Variants in TRPC3 observed in about 807,000 individuals in gnomAD.
TRPC3 encodes the protein short transient receptor potential channel 3.
In TRPC3, 54 loss-of-function variants were observed where a neutral mutation model predicts 90.9. That is an observed-to-expected ratio of 0.59 (90% CI 0.48 to 0.75). The LOEUF (loss-of-function observed/expected upper bound fraction) is 0.75, where lower values mean the gene tolerates loss of function less well. Among genes scored for constraint, TRPC3 ranks in the 30% least tolerant of loss-of-function variants. The probability of loss-of-function intolerance (pLI) is 0.00; values close to 1 mark genes in which losing one functional copy is unlikely to be tolerated. For synonymous variants in TRPC3, 424 were observed against 450.9 expected (o/e 0.94, Z 0.75); for missense variants, 918 against 1,194.5 (o/e 0.77, Z 3.41).
Position 121,879,809 on chromosome 4 carries a change from G to A in TRPC3, c.2693C>T (p.Ala898Val), listed in dbSNP as rs1727880484. The A allele has an allele frequency of 2.5e-6, 4 of 1,607,894 alleles. No individual in the cohort carries two copies. Among genetic ancestry groups the A allele is most frequent in the Non-Finnish European group, 3.4e-6 (4 of 1,178,058 alleles). Residue 898 changes from alanine to valine, a missense_variant, in exon 12 of 12, where the codon GCA becomes GTA. Ala to Val is a moderately conservative substitution (Grantham distance 64, BLOSUM62 0). Transcript: ENST00000379645. ...AATTAGAATGGCTAATTCCTCAGTT[G>A]CTTGGCTCTTGTCTTCCAAAAGTTC... Reference protein sequence around the residue: ...RYELLEDKSQATEELAILIHK... With the variant: ...RYELLEDKSQVTEELAILIHK...
At chr4:121,930,505 G>A (rs1729868872) in intron 2 of TRPC3, among the ~76,000 whole-genome samples, 2 of 152,090 alleles carry the variant, frequency 1.3e-5, no homozygotes, top group East Asian at 3.9e-4. Context: ...GTAAAACTAT[G>A]AATAACAAAT....
In TRPC3 at chr4:121,940,548, G is replaced by T. The variant is rs1474344984; in HGVS notation, c.216-7506C>A. Among the ~76,000 whole-genome samples the T allele has an allele frequency of 3.3e-5, 5 of 152,250 alleles. No individual in the cohort carries two copies. The East Asian group carries it at 9.7e-4, about 29-fold the overall frequency. On this transcript the variant is annotated intron_variant, in intron 1 of 11. Coordinates refer to ENST00000379645, the MANE Select transcript of TRPC3 (RefSeq NM_001130698.2). ...CCTCTCTGAACACACTGTTATTTCT[G>T]CTCTTTGCCAATTCAAATCCTTCTT...
At position 121,887,708 on chromosome 4, in the gene TRPC3, G is replaced by A. The variant is rs116491927; in HGVS notation, c.2548-5279C>T. On this transcript the variant is annotated intron_variant, in intron 10 of 11. Coordinates refer to ENST00000379645, the MANE Select transcript of TRPC3 (RefSeq NM_001130698.2). ...AGAGAATAAAACTCAAGAACTCATAGTCCAGCTTCAGTGGAGTCTCACAAT... is the reference window on the plus strand; with the variant it reads ...AGAGAATAAAACTCAAGAACTCATAATCCAGCTTCAGTGGAGTCTCACAAT... Among the ~76,000 whole-genome samples, 952 of 152,310 alleles carry A rather than the reference G, an allele frequency of 6.3e-3. 9 individuals carry two copies. Among genetic ancestry groups the A allele is most frequent in the African/African-American group, 0.022 (912 of 41,572 alleles).
intron 1 of TRPC3, among the ~76,000 whole-genome samples, chr4:121,942,671 A>AT (rs1321599579): frequency 2.0e-5 from 3 of 152,242 alleles, no homozygotes; most frequent in Admixed American, 2.0e-4. Flanking sequence ...GCTGTTGTGT[A>AT]TTTAAGGAGA....
At chr4:121,947,389 AG>A (rs1018086546) in intron 1 of TRPC3, among the ~76,000 whole-genome samples, 35 of 151,748 alleles carry the variant, frequency 2.3e-4, no homozygotes, top group African/African-American at 8.5e-4. Context: ...GTTGGGAGGG[AG>A]GGAAGTCCTG....
chr4:121,932,522 A>G lies in TRPC3; in HGVS notation c.736T>C (p.Tyr246His). ...PIILAAHCQKYEVVHMLLMKG... is the reference protein window; with the variant it reads ...PIILAAHCQKHEVVHMLLMKG... ...ATCAGCAGCATGTGCACCACTTCGT[A>G]TTTCTGGCAGTGCGCCGCCAGGATG... Residue 246 changes from tyrosine to histidine, a missense_variant, in exon 2 of 12, where the codon TAC (tyrosine) becomes CAC (histidine). Tyr to His is a moderately conservative substitution (Grantham distance 83). This residue lies in a region of TRPC3 where 609 missense variants were observed against 725.9 expected (regional missense o/e 0.84). Coordinates refer to ENST00000379645, the MANE Select transcript of TRPC3 (RefSeq NM_001130698.2). This position sits in a 1 kb window ranked among gnomAD's most constrained non-coding sequence, Gnocchi z 7.7. 2 of 1,614,164 alleles carry G rather than the reference A, an allele frequency of 1.2e-6. No homozygotes were observed. Among genetic ancestry groups the G allele is most frequent in the Non-Finnish European group, 1.7e-6 (2 of 1,180,022 alleles).
At chr4:121,939,281 T>C (rs748593524) in intron 1 of TRPC3, among the ~76,000 whole-genome samples, 10 of 152,116 alleles carry the variant, frequency 6.6e-5, no homozygotes, top group Non-Finnish European at 1.0e-4. Flanking sequence ...CAAAAAATTA[T>C]GGGATTTTTG....
chr4:121,903,855 CATATAT>C (rs1452716673), intron 8 of TRPC3, among the ~76,000 whole-genome samples: 1 of 152,112 alleles, frequency 6.6e-6, no homozygotes, highest in African/African-American at 2.4e-5. Context: ...CATAAGAAAA[CATATAT>C]ACAACAGTGA....
intron 1 of TRPC3, among the ~76,000 whole-genome samples, chr4:121,942,444 C>T (rs1380834977): frequency 1.3e-5 from 2 of 152,096 alleles, no homozygotes; most frequent in Admixed American, 1.3e-4. Context: ...TGCCTATAAT[C>T]CCAGCTACTC....
At chr4:121,881,122 C>G (rs1258192426) in intron 11 of TRPC3, among the ~76,000 whole-genome samples, 1 of 152,146 alleles carries the variant, frequency 6.6e-6, no homozygotes, top group Admixed American at 6.6e-5. Context: ...ATCCTTTCTT[C>G]CTTGTCCCCG....
At chr4:121,907,633 A>G in intron 6 of TRPC3, 66 bp from the exon 7 acceptor site, 1 of 1,513,048 alleles carries the variant, frequency 6.6e-7, no homozygotes, top group Non-Finnish European at 8.9e-7. Context: ...CGCAAAGCAA[A>G]TACCTTAAAT....
intron 2 of TRPC3, chr4:121,930,855 A>C: frequency 5.4e-6 from 2 of 373,644 alleles, no homozygotes; most frequent in East Asian, 8.7e-5. Flanking sequence ...AAAAAAAAAC[A>C]TTTTGGGTCC....
chr4:121,901,492 A>C (rs1728696402), intron 9 of TRPC3, among the ~76,000 whole-genome samples: 1 of 152,248 alleles, frequency 6.6e-6, no homozygotes, highest in Admixed American at 6.5e-5. Flanking sequence ...ACCTTGCATA[A>C]GCAAATTATC....
intron 10 of TRPC3, among the ~76,000 whole-genome samples, chr4:121,886,200 T>C (rs933011357): frequency 4.7e-4 from 72 of 152,314 alleles, no homozygotes; most frequent in African/African-American, 1.6e-3. Flanking sequence ...GTATTTTTAC[T>C]GATTCAAATT....
intron 1 of TRPC3, chr4:121,950,556 C>T (rs1046502606): frequency 3.9e-5 from 6 of 152,288 alleles, no homozygotes; most frequent in African/African-American, 1.4e-4. Flanking sequence ...AACCGATCAC[C>T]CTCTTTTTAT....
At chr4:121,946,604 T>C (rs1230744477) in intron 1 of TRPC3, among the ~76,000 whole-genome samples, 1 of 152,166 alleles carries the variant, frequency 6.6e-6, no homozygotes, top group East Asian at 1.9e-4. Flanking sequence ...AATAGATACA[T>C]GTGAACATAA....
chr4:121,916,096 A>G (rs1729309020), intron 3 of TRPC3, among the ~76,000 whole-genome samples: 1 of 152,186 alleles, frequency 6.6e-6, no homozygotes, highest in Non-Finnish European at 1.5e-5. Flanking sequence ...TTCCTCTTTG[A>G]TCAAGTTCTA....
chr4:121,901,799 G>A (rs563915606), intron 9 of TRPC3, among the ~76,000 whole-genome samples: 22 of 152,156 alleles, frequency 1.4e-4, no homozygotes, highest in Non-Finnish European at 2.6e-4. Context: ...GTCTAATGTC[G>A]AAGCTCTCTT....
At chr4:121,950,305 G>A (rs577015012) in intron 1 of TRPC3, among the ~76,000 whole-genome samples, 2 of 152,334 alleles carry the variant, frequency 1.3e-5, no homozygotes, top group African/African-American at 4.8e-5. Context: ...GGGATGCAGG[G>A]GTCATCCCGG....
Sources: allele counts gnomAD v4.1 joint callset (sites outside exome capture counted in the v4.1 genomes callset), GRCh38; gene constraint gnomAD v4.1.1; regional missense constraint gnomAD v4.1.1; non-coding constraint Gnocchi (gnomAD v3.1); transcripts MANE v1.5; gene names NCBI Gene and HGNC (gene_info 2026-07-23, HGNC 2026-07-21).